CHKA: variants seen among roughly 807,000 people sequenced by gnomAD.
The protein encoded by CHKA is CHETK-alpha.
In CHKA, 34 loss-of-function variants were observed where a neutral mutation model predicts 60.1. The ratio of observed to expected loss-of-function variants is 0.57; its 90% CI spans 0.43 to 0.75. The LOEUF is 0.75. Among genes scored for constraint, CHKA ranks in the 30% least tolerant of loss-of-function variants. The pLI, the probability that CHKA is intolerant of heterozygous loss-of-function variation, is 0.00. For missense variants in CHKA, 563 were observed against 561.3 expected, an observed-to-expected ratio of 1.00 and a Z score of -0.03; for synonymous variants, 217 against 223.1, an observed-to-expected ratio of 0.97 and a Z score of 0.24.
chr11:68,056,446 C>A (rs1160766970), intron 11 of CHKA, among the ~76,000 whole-genome samples: 1 of 152,200 alleles, frequency 6.6e-6, no homozygotes, highest in African/African-American at 2.4e-5. Flanking sequence ...GCCCGAAGAA[C>A]CTGGTCAGGT....
rs543191132 is a variant in CHKA, at chr11:68,100,656, CAATAAATA to C, written c.351-3534_351-3527del. Among the ~76,000 whole-genome samples, 633 of 150,582 alleles carry C rather than the reference CAATAAATA, an allele frequency of 4.2e-3. 5 individuals are homozygous for C. The highest frequency in any genetic ancestry group is 7.1e-3 in the Admixed American group (107 of 15,044). On this transcript the variant is annotated intron_variant, in intron 1 of 11. Transcript: ENST00000265689. ...AAATACAAGAGCGAAACATCATCTC[CAATAAATA>C]AATAAATAAATTTAAATATATATAT... is the stretch of plus-strand genomic sequence containing the variant.
chr11:68,094,540 C>G (rs942273990), intron 2 of CHKA, among the ~76,000 whole-genome samples: 1 of 152,070 alleles, frequency 6.6e-6, no homozygotes, highest in Non-Finnish European at 1.5e-5. Flanking sequence ...GATCCTGTCT[C>G]AAAAAATAAA....
At chr11:68,081,048 C>T (rs556123358) in intron 3 of CHKA, among the ~76,000 whole-genome samples, 1 of 152,328 alleles carries the variant, frequency 6.6e-6, no homozygotes, top group Non-Finnish European at 1.5e-5. Context: ...AGTGTGGGAA[C>T]GACCAGAAAG....
chr11:68,084,330 ATATACGTATATATATGTG>A (rs1372191332), intron 2 of CHKA, among the ~76,000 whole-genome samples: 3 of 140,606 alleles, frequency 2.1e-5, no homozygotes, highest in African/African-American at 7.7e-5. Flanking sequence ...ATATATACAC[ATATACGTATATATATGTG>A]TATATATATA....
At position 68,070,844 on chromosome 11, in the gene CHKA, T is replaced by A. The variant is rs1286185779; in HGVS notation, c.644A>T (p.Asp215Val). The A allele has an allele frequency of 1.2e-6, 2 of 1,609,570 alleles. No individual in the cohort carries two copies. Among genetic ancestry groups the A allele is most frequent in the Non-Finnish European group, 1.7e-6 (2 of 1,176,902 alleles). The change falls in exon 5 of 12, where the codon GAT becomes GTT. Residue 215 changes from aspartate (D) to valine (V), a missense_variant. Asp to Val is a radical substitution (Grantham distance 152). Transcript: ENST00000265689. ...LEQFIPSRRL[D>V]TEELSLPDIS... ...ATCTGGCAAACTTAATTCTTCAGTA[T>A]CTAATCGCCGGCTCTGAAAAAGAAA... is the stretch of plus-strand genomic sequence containing the variant.
chr11:68,100,588 C>T (rs1857672065), intron 1 of CHKA, among the ~76,000 whole-genome samples: 2 of 127,704 alleles, frequency 1.6e-5, no homozygotes, highest in Non-Finnish European at 3.3e-5. Context: ...GAAACATCAT[C>T]TCCAATAAAT....
At chr11:68,079,910 A>C (rs1251608140) in intron 3 of CHKA, among the ~76,000 whole-genome samples, 1 of 152,120 alleles carries the variant, frequency 6.6e-6, no homozygotes, top group African/African-American at 2.4e-5. Flanking sequence ...GCCTATGGTC[A>C]AATCATGGGG....
chr11:68,120,703 TCCGCCCCGGCCCCGGCTCCCCCGGCCC>T, intron 1 of CHKA, 98 bp downstream of exon 1: 1 of 271,246 alleles, frequency 3.7e-6, no homozygotes, highest in South Asian at 1.4e-4. Context: ...GTCCCCGGCC[TCCGCCCCGGCCCCGGCTCCCCCGGCCC>T]CCGACCCCCC....
At chr11:68,110,271 T>C (rs1322062157) in intron 1 of CHKA, among the ~76,000 whole-genome samples, 2 of 151,904 alleles carry the variant, frequency 1.3e-5, no homozygotes, top group East Asian at 3.9e-4. Context: ...TCCTAACTAA[T>C]AAGAAAAGGA....
At chr11:68,066,036 C>T (rs1856432457) in intron 8 of CHKA, 142 bp from the exon 9 acceptor site, 2 of 597,374 alleles carry the variant, frequency 3.3e-6, no homozygotes, top group East Asian at 5.5e-5. Flanking sequence ...AGGACTGTAG[C>T]TGCTTTAATG....
intron 2 of CHKA, among the ~76,000 whole-genome samples, chr11:68,093,249 C>T (rs930731100): frequency 2.0e-5 from 3 of 152,190 alleles, no homozygotes; most frequent in African/African-American, 7.2e-5. Context: ...ATCCACCTGC[C>T]TTGGCCTCCC....
chr11:68,068,058 T>C (rs538668336), intron 7 of CHKA, among the ~76,000 whole-genome samples: 4 of 152,312 alleles, frequency 2.6e-5, no homozygotes, highest in South Asian at 2.1e-4. Flanking sequence ...GACTGTTCAA[T>C]GTGCAATTGC....
Position 68,053,894 on chromosome 11 carries a change from T to G in CHKA, c.*94A>C. On this transcript the variant is annotated 3_prime_UTR_variant, in exon 12 of 12. Transcript: ENST00000265689. ...CAGTAGTGAGCCACCCAAAGCCTCC[T>G]GCCACAGGAGCAGTAGTCGAAGCAC... 1 of 1,023,172 alleles carries G rather than the reference T, an allele frequency of 9.8e-7. No homozygotes were observed. The highest frequency in any genetic ancestry group is 1.5e-6 in the Non-Finnish European group (1 of 662,498). 63.4% of individuals were successfully genotyped at this position (1,023,172 alleles called of 1,614,324 possible). A position where few individuals can be genotyped will look rare whatever the true frequency, so the allele number is the denominator to read the frequency against.
chr11:68,104,233 G>A (rs1472254048), intron 1 of CHKA, among the ~76,000 whole-genome samples: 1 of 152,102 alleles, frequency 6.6e-6, no homozygotes, highest in Non-Finnish European at 1.5e-5. Context: ...AGTAAGTCAG[G>A]CACAGAAAGA....
intron 9 of CHKA, among the ~76,000 whole-genome samples, chr11:68,065,153 C>T (rs140371222): frequency 2.5e-4 from 38 of 152,280 alleles, no homozygotes; most frequent in African/African-American, 8.4e-4. Flanking sequence ...ACTTCTCTCT[C>T]CATAGTGTGA....
chr11:68,082,933 C>G (rs1385069395), intron 2 of CHKA, among the ~76,000 whole-genome samples: 1 of 152,188 alleles, frequency 6.6e-6, no homozygotes, highest in East Asian at 1.9e-4. Flanking sequence ...CAAAATACTA[C>G]AAAAATGCTT....
intron 4 of CHKA, 51 bp from the exon 5 acceptor site, chr11:68,070,908 AGAGT>A: frequency 6.4e-7 from 1 of 1,568,870 alleles, no homozygotes; most frequent in Non-Finnish European, 8.7e-7. Context: ...TAAACTAAAA[AGAGT>A]GAGATCACAC....
intron 9 of CHKA, among the ~76,000 whole-genome samples, 169 bp from the exon 10 acceptor site, chr11:68,064,800 G>C (rs1036319762): frequency 1.3e-5 from 2 of 152,174 alleles, no homozygotes; most frequent in African/African-American, 4.8e-5. Flanking sequence ...ACCTTTGCTA[G>C]GTTTTCAGCC....
At chr11:68,101,765 C>T (rs975953563) in intron 1 of CHKA, among the ~76,000 whole-genome samples, 1 of 151,894 alleles carries the variant, frequency 6.6e-6, no homozygotes, top group African/African-American at 2.4e-5. Context: ...ATAAATGGAA[C>T]AATATCCCAT....
Sources: allele counts gnomAD v4.1 joint callset (sites outside exome capture counted in the v4.1 genomes callset), GRCh38; gene constraint gnomAD v4.1.1; transcripts MANE v1.5; gene names NCBI Gene and HGNC (gene_info 2026-07-23, HGNC 2026-07-21).